The following SFSWAP variants were observed in gnomAD, a reference collection of about 807,000 sequenced individuals.
SFSWAP encodes the protein splicing factor, suppressor of white-apricot homolog.
A neutral mutation model predicts 100.7 loss-of-function variants in SFSWAP; 17 were observed. The observed-to-expected ratio is 0.17, with a 90% CI of 0.12 to 0.25. The LOEUF (loss-of-function observed/expected upper bound fraction) is 0.25. Among genes scored for constraint, SFSWAP ranks in the 10% least tolerant of loss-of-function variants. The pLI is 1.00. For missense variants in SFSWAP, 1,005 were observed against 1,262.6 expected (o/e 0.80, Z 3.09); for synonymous variants, 504 against 510.1 (o/e 0.99, Z 0.16).
intron 7 of SFSWAP, among the ~76,000 whole-genome samples, chr12:131,748,637 G>C (rs1340365628): frequency 6.6e-6 from 1 of 152,188 alleles, no homozygotes; most frequent in Non-Finnish European, 1.5e-5. Context: ...TCTGATTTTT[G>C]CAAGAAGCCA....
At chr12:131,788,842 A>G (rs1885066402) in intron 15 of SFSWAP, among the ~76,000 whole-genome samples, 1 of 152,202 alleles carries the variant, frequency 6.6e-6, no homozygotes, top group Non-Finnish European at 1.5e-5. Context: ...TCCCTGTCTC[A>G]GAGCGGGCGT....
At chr12:131,718,260 C>T (rs1246604969) in intron 3 of SFSWAP, among the ~76,000 whole-genome samples, 1 of 152,172 alleles carries the variant, frequency 6.6e-6, no homozygotes, top group Non-Finnish European at 1.5e-5. Context: ...AATTATTGAT[C>T]GCTTCAAGAG....
At chr12:131,740,581 T>C (rs990064304) in intron 7 of SFSWAP, among the ~76,000 whole-genome samples, 23 of 152,282 alleles carry the variant, frequency 1.5e-4, no homozygotes, top group African/African-American at 5.5e-4. Context: ...AAGGACACAG[T>C]CTCTTGGTTC....
Position 131,725,562 on chromosome 12 carries a change from T to C in SFSWAP, c.764T>C (p.Phe255Ser). 1 of 1,614,100 alleles carries C rather than the reference T, an allele frequency of 6.2e-7. No homozygotes were observed. The highest frequency in any genetic ancestry group is 2.2e-5 in the East Asian group (1 of 44,878). The stretch of plus-strand genomic sequence containing the variant: ...CACTACCTCAACCCCTACTATAAGT[T>C]CATCCAGAAAGCCATGAAAGAGGGA... ...FDHYLNPYYKFIQKAMKEGRY... is the reference protein window; with the variant it reads ...FDHYLNPYYKSIQKAMKEGRY... The change falls in exon 5 of 18, where the codon TTC (phenylalanine) becomes TCC (serine). Residue 255 changes from phenylalanine to serine, a missense_variant. Phe to Ser is a radical substitution (Grantham distance 155). Coordinates refer to ENST00000261674, the MANE Select transcript of SFSWAP (RefSeq NM_004592.4). This position sits in a 1 kb window ranked among gnomAD's most constrained non-coding sequence, Gnocchi z 4.3.
chr12:131,730,150 C>T lies in SFSWAP; in HGVS notation c.1081+1722C>T, dbSNP rs1035714577. ...TAGATCACTCCTAACGCCCAGTCCT[C>T]ACTGCATGGATTTTTGGATAGACGG... On this transcript the variant is annotated intron_variant, in intron 7 of 17. Transcript: ENST00000261674. This position sits in a 1 kb window ranked among gnomAD's most constrained non-coding sequence, Gnocchi z 4.0. Among the ~76,000 whole-genome samples the T allele has an allele frequency of 7.2e-5, 11 of 152,326 alleles. No individual in the cohort carries two copies. The highest frequency in any genetic ancestry group is 1.5e-4 in the Non-Finnish European group (10 of 68,030).
chr12:131,732,244 C>T, intron 7 of SFSWAP, among the ~76,000 whole-genome samples: 1 of 152,128 alleles, frequency 6.6e-6, no homozygotes, highest in East Asian at 1.9e-4. Context: ...AAGTAAAATA[C>T]AAAGTTCATA....
chr12:131,755,314 A>G (rs1882055445), intron 9 of SFSWAP, 72 bp from the exon 10 acceptor site: 1 of 1,028,254 alleles, frequency 9.7e-7, no homozygotes, highest in East Asian at 2.4e-5. Context: ...AAGAGCTAGG[A>G]GAACAGGGCC....
Position 131,755,191 on chromosome 12 carries a change from C to T in SFSWAP, c.1455-195C>T, listed in dbSNP as rs11246797. Among the ~76,000 whole-genome samples the T allele has an allele frequency of 0.026, 3,953 of 152,214 alleles. 298 individuals carry two copies. The East Asian group carries it at 0.27, about 11-fold the overall frequency. ...TAAAGATATGTTGTCACATTTGCAG[C>T]GTGACCTGTGTAACCCCGGGCAAGC... On this transcript the variant is annotated intron_variant, in intron 9 of 17. Coordinates refer to ENST00000261674, the MANE Select transcript of SFSWAP (RefSeq NM_004592.4).
At chr12:131,790,536 GCACCTA>G (rs1593193671) in intron 15 of SFSWAP, among the ~76,000 whole-genome samples, 1 of 152,216 alleles carries the variant, frequency 6.6e-6, no homozygotes, top group East Asian at 1.9e-4. Context: ...ACAATGGCGG[GCACCTA>G]CAGCCGCAGC....
intron 14 of SFSWAP, chr12:131,783,997 T>C (rs1179816092): frequency 6.6e-6 from 1 of 151,516 alleles, no homozygotes; most frequent in Middle Eastern, 3.2e-3. Flanking sequence ...CACAATAAAT[T>C]GCATAGCAAA....
intron 8 of SFSWAP, 119 bp downstream of exon 8, chr12:131,753,482 C>CT (rs1295598543): frequency 2.3e-6 from 3 of 1,281,062 alleles, no homozygotes; most frequent in Non-Finnish European, 3.1e-6. Context: ...TCCCCATTGT[C>CT]TGAGTAGTTA....
rs571530852 is a variant in SFSWAP, at chr12:131,729,240, A to T, written c.1081+812A>T. Among the ~76,000 whole-genome samples, 9 of 152,282 alleles carry T rather than the reference A, an allele frequency of 5.9e-5. No individual in the cohort carries two copies. The East Asian group carries it at 1.5e-3, about 26-fold the overall frequency. On this transcript the variant is annotated intron_variant, in intron 7 of 17. Transcript: ENST00000261674. ...CACAGCAGGCCAGGCGTGGTGGCTA[A>T]TGCCTATAATCCCAACACTTTGGGA...
intron 7 of SFSWAP, among the ~76,000 whole-genome samples, chr12:131,729,597 G>A (rs1879313481): frequency 6.6e-6 from 1 of 152,214 alleles, no homozygotes; most frequent in Non-Finnish European, 1.5e-5. Flanking sequence ...TTCTTTTATG[G>A]TATTCATTAA....
chr12:131,756,393 A>C lies in SFSWAP; in HGVS notation c.1549-80A>C. On this transcript the variant is annotated intron_variant, in intron 10 of 17. Transcript: ENST00000261674. ...TACAATTGCCGTTGTCCAGTGAAAC[A>C]TATACCGTATACATCTCTCTTTTTT... The C allele has an allele frequency of 3.3e-6, 4 of 1,221,922 alleles. No homozygotes were observed. In the South Asian group the frequency reaches 5.1e-5, roughly 16 times the overall value. The allele number at this position is 1,221,922 out of a possible 1,614,324, so 75.7% of individuals were successfully genotyped here. A position where few individuals can be genotyped will look rare whatever the true frequency, so the allele number is the denominator to read the frequency against.
rs567180474 is a variant in SFSWAP at position 131,765,678 on chromosome 12, A to G, written c.1952-440A>G. Among the ~76,000 whole-genome samples, 56 of 152,190 alleles carry G rather than the reference A, an allele frequency of 3.7e-4. 3 individuals are homozygous for G. The South Asian group carries it at 0.011, about 31-fold the overall frequency. On this transcript the variant is annotated intron_variant, in intron 12 of 17. Transcript: ENST00000261674. ...GAAAAAAAAAAAAAGCCATTTTTCA[A>G]CCACAATCCACCATCAAGAACTTCC...
intron 7 of SFSWAP, among the ~76,000 whole-genome samples, chr12:131,751,598 C>A (rs746642285): frequency 2.6e-5 from 4 of 152,276 alleles, no homozygotes; most frequent in Non-Finnish European, 4.4e-5. Context: ...GAAGCAGCAG[C>A]TCCCCCCTTC....
chr12:131,753,635 T>A, intron 8 of SFSWAP: 2 of 520,424 alleles, frequency 3.8e-6, no homozygotes, highest in South Asian at 6.2e-5. Flanking sequence ...GCATCTGTTC[T>A]TGCGCTTTGT....
intron 14 of SFSWAP, chr12:131,785,177 C>A (rs1369185513): frequency 2.0e-6 from 3 of 1,535,690 alleles, no homozygotes; most frequent in Non-Finnish European, 2.6e-6. Context: ...TCGACCACCA[C>A]CAGATTTGAC....
chr12:131,740,966 CTTTTTTTTTTTTTT>C (rs60047663), intron 7 of SFSWAP, among the ~76,000 whole-genome samples: 1 of 70,136 alleles, frequency 1.4e-5, no homozygotes, highest in Non-Finnish European at 2.5e-5. Flanking sequence ...TCTTTTTTTT[CTTTTTTTTTTTTTT>C]TTTTTTTTTT....
Sources: allele counts gnomAD v4.1 joint callset (sites outside exome capture counted in the v4.1 genomes callset), GRCh38; gene constraint gnomAD v4.1.1; non-coding constraint Gnocchi (gnomAD v3.1); transcripts MANE v1.5; gene names NCBI Gene and HGNC (gene_info 2026-07-23, HGNC 2026-07-21).